Variants in SCAI observed in about 807,000 individuals in gnomAD.
The protein encoded by SCAI is suppressor of cancer cell invasion.
SCAI carries 24 observed loss-of-function variants against 92.2 expected under a neutral mutation model. The ratio of observed to expected loss-of-function variants is 0.26; its 90% CI spans 0.19 to 0.37. SCAI has a LOEUF of 0.37. Ranked by LOEUF, SCAI falls within the 10% of genes least tolerant of loss-of-function variation. SCAI has a pLI of 1.00. For synonymous variants in SCAI, 261 were observed against 258.6 expected (o/e 1.01, Z -0.09); for missense variants, 450 against 736.2 (o/e 0.61, Z 4.50).
At chr9:125,032,499 A>C (rs1243039301) in intron 3 of SCAI, among the ~76,000 whole-genome samples, 1 of 151,114 alleles carries the variant, frequency 6.6e-6, no homozygotes, top group Non-Finnish European at 1.5e-5. Context: ...GCCTCTGGTT[A>C]GCTTTCCTTT....
intron 3 of SCAI, among the ~76,000 whole-genome samples, chr9:125,032,202 T>TTC (rs1833091229): frequency 7.1e-6 from 1 of 140,726 alleles, no homozygotes. Context: ...TATATTTTTT[T>TTC]TTTTTTTTGA....
chr9:125,029,033 A>T (rs1406530579), intron 4 of SCAI, among the ~76,000 whole-genome samples: 2 of 152,140 alleles, frequency 1.3e-5, no homozygotes, highest in Admixed American at 1.3e-4. Context: ...CCTAACCTCA[A>T]GTTATCCACC....
intron 2 of SCAI, among the ~76,000 whole-genome samples, chr9:125,085,197 C>A (rs1834302013): frequency 6.6e-6 from 1 of 152,126 alleles, no homozygotes. Context: ...AAAATAAAAT[C>A]AAATAACAGA....
chr9:125,130,936 C>CTTTTTTTTTTTTTTTTTTT, intron 2 of SCAI, among the ~76,000 whole-genome samples: 1 of 77,274 alleles, frequency 1.3e-5, no homozygotes, highest in Non-Finnish European at 2.6e-5. Context: ...GTTTGAACCG[C>CTTTTTTTTTTTTTTTTTTT]TTTTTTTTTT....
chr9:125,118,874 A>G (rs113477443), intron 2 of SCAI, among the ~76,000 whole-genome samples: 20,298 of 152,264 alleles, frequency 0.13, 1,448 homozygotes, highest in East Asian at 0.23. Context: ...TGCAAAGGAC[A>G]TGATCTCACT....
At chr9:124,996,673 AGACTG>A (rs1372985843) in intron 13 of SCAI, among the ~76,000 whole-genome samples, 1 of 151,940 alleles carries the variant, frequency 6.6e-6, no homozygotes, top group African/African-American at 2.4e-5. Context: ...TCTGTCACAC[AGACTG>A]GAGTGCAGTG....
chr9:125,028,689 A>ATTTTAGATTTT (rs1277604856), intron 4 of SCAI, among the ~76,000 whole-genome samples: 2 of 152,238 alleles, frequency 1.3e-5, no homozygotes, highest in East Asian at 3.9e-4. Flanking sequence ...TACTTTGGCC[A>ATTTTAGATTTT]ATAAACATAT....
At position 125,091,918 on chromosome 9, in the gene SCAI, T is replaced by C. The variant is rs776708964; in HGVS notation, c.99-35911A>G. Among the ~76,000 whole-genome samples the C allele has an allele frequency of 5.9e-5, 9 of 151,904 alleles. No homozygotes were observed. Among genetic ancestry groups the C allele is most frequent in the Non-Finnish European group, 1.3e-4 (9 of 67,978 alleles). On this transcript the variant is annotated intron_variant, in intron 2 of 17. Transcript: ENST00000336505. This position sits in a 1 kb window ranked among gnomAD's most constrained non-coding sequence, Gnocchi z 4.3. ...CGAGGTCAGGAGATCGAGACCATCC[T>C]GGCTAACACGATGAAACCCCGTCTC...
At chr9:124,999,747 A>G (rs181635789) in intron 13 of SCAI, 144 bp downstream of exon 13, 10 of 537,864 alleles carry the variant, frequency 1.9e-5, no homozygotes, top group South Asian at 8.2e-5. Context: ...TGGAATCCAA[A>G]TAAGTGTTTC....
At chr9:124,973,108 G>GTTTC (rs1831691152) in intron 15 of SCAI, among the ~76,000 whole-genome samples, 1 of 152,070 alleles carries the variant, frequency 6.6e-6, no homozygotes. Flanking sequence ...GTTTATTAAT[G>GTTTC]TTTCATATGT....
chr9:124,982,931 T>A (rs1031543074), intron 14 of SCAI, among the ~76,000 whole-genome samples: 1 of 152,020 alleles, frequency 6.6e-6, no homozygotes, highest in Admixed American at 6.6e-5. Context: ...GGTGGGAGAA[T>A]CGCTTACAGC....
rs1014813863 is a variant in SCAI at position 124,947,837 on chromosome 9, A to G, written c.*4970T>C. On this transcript the variant is annotated 3_prime_UTR_variant, in exon 18 of 18. Transcript: ENST00000336505. ...CATCACCAGGAGACTCATAGCATTC[A>G]TATTCATATCAAATCTTTTACTCAG... The G allele has an allele frequency of 2.0e-5, 3 of 152,248 alleles. No homozygotes were observed. Among genetic ancestry groups the G allele is most frequent in the African/African-American group, 7.2e-5 (3 of 41,466 alleles). 9.4% of individuals were successfully genotyped at this position (152,248 alleles called of 1,614,324 possible).
At chr9:125,083,944 C>T (rs78525306) in intron 2 of SCAI, among the ~76,000 whole-genome samples, 3,649 of 152,058 alleles carry the variant, frequency 0.024, 152 homozygotes, top group African/African-American at 0.084. Context: ...CGAGGTGAAG[C>T]TTGCAGAGTT....
intron 2 of SCAI, among the ~76,000 whole-genome samples, chr9:125,140,918 A>C (rs916205872): frequency 6.6e-6 from 1 of 152,134 alleles, no homozygotes; most frequent in Non-Finnish European, 1.5e-5. Flanking sequence ...TATGTCATCA[A>C]TATAAAAAGT....
chr9:125,030,233 G>C lies in SCAI; in HGVS notation c.231-494C>G, dbSNP rs2131089117. ...GTGACTTATAGTACAGTCTTTGAGA[G>C]GCAAATACTCCCTACCATACAAACA... On this transcript the variant is annotated intron_variant, in intron 3 of 17. Coordinates refer to ENST00000336505, the MANE Select transcript of SCAI (RefSeq NM_001144877.3). 2.0e-5 allele frequency among the ~76,000 whole-genome samples: 3 copies of C among 152,276 alleles called. No individual in the cohort carries two copies. The South Asian group carries it at 6.2e-4, about 32-fold the overall frequency.
At chr9:125,128,359 C>A (rs771049617) in intron 2 of SCAI, among the ~76,000 whole-genome samples, 1 of 152,078 alleles carries the variant, frequency 6.6e-6, no homozygotes. Flanking sequence ...GTGGCCCACA[C>A]TTGTAATCCC....
At chr9:125,050,067 G>A (rs1465829318) in intron 3 of SCAI, among the ~76,000 whole-genome samples, 2 of 151,458 alleles carry the variant, frequency 1.3e-5, no homozygotes, top group Non-Finnish European at 2.9e-5. Context: ...GTTACAACAT[G>A]TGGAAAAGGA....
intron 3 of SCAI, among the ~76,000 whole-genome samples, chr9:125,042,857 GCTTTT>G (rs1261527705): frequency 3.0e-4 from 35 of 115,898 alleles, no homozygotes; most frequent in African/African-American, 1.1e-3. Flanking sequence ...CTGCTCCCTG[GCTTTT>G]TTTTTTTTTT....
At chr9:125,014,269 A>G (rs1832701858) in intron 9 of SCAI, among the ~76,000 whole-genome samples, 1 of 152,200 alleles carries the variant, frequency 6.6e-6, no homozygotes, top group African/African-American at 2.4e-5. Context: ...ATGATTGTAT[A>G]TCTAGAAAAC....
Sources: allele counts gnomAD v4.1 joint callset (sites outside exome capture counted in the v4.1 genomes callset), GRCh38; gene constraint gnomAD v4.1.1; non-coding constraint Gnocchi (gnomAD v3.1); transcripts MANE v1.5; gene names NCBI Gene and HGNC (gene_info 2026-07-23, HGNC 2026-07-21).